Variants in ATP2B2 observed in about 807,000 individuals in gnomAD.
The protein encoded by ATP2B2 is ATPase plasma membrane Ca2+ transporting 2.
ATP2B2 carries 15 observed loss-of-function variants against 120.0 expected under a neutral mutation model. The observed-to-expected ratio is 0.12, with a 90% CI of 0.08 to 0.19. The LOEUF (loss-of-function observed/expected upper bound fraction) is 0.19, where lower values mean the gene tolerates loss of function less well. Ranked by LOEUF, ATP2B2 falls within the 10% of genes least tolerant of loss-of-function variation. ATP2B2 has a pLI of 1.00. For synonymous variants in ATP2B2, 694 were observed against 700.3 expected, an observed-to-expected ratio of 0.99 and a Z score of 0.14; for missense variants, 1,045 against 1,719.8, an observed-to-expected ratio of 0.61 and a Z score of 6.94.
intron 2 of ATP2B2, among the ~76,000 whole-genome samples, chr3:10,618,697 A>C (rs1438766650): frequency 6.6e-6 from 1 of 152,176 alleles, no homozygotes; most frequent in Admixed American, 6.5e-5. Context: ...CAATCTGGTC[A>C]GATCACTACT....
chr3:10,496,065 G>A (rs1326625393), intron 1 of ATP2B2, among the ~76,000 whole-genome samples: 1 of 152,238 alleles, frequency 6.6e-6, no homozygotes, highest in African/African-American at 2.4e-5. Flanking sequence ...GATGCTCTGA[G>A]CTCAGAAATC....
intron 1 of ATP2B2, among the ~76,000 whole-genome samples, chr3:10,652,530 G>A (rs1388106416): frequency 1.3e-5 from 2 of 152,202 alleles, no homozygotes; most frequent in African/African-American, 2.4e-5. Context: ...TGTATGTAGA[G>A]AGACAGAACC....
Position 10,535,194 on chromosome 3 carries a change from G to A in ATP2B2, c.-414-1061C>T, listed in dbSNP as rs189935546. 3.5e-3 allele frequency among the ~76,000 whole-genome samples: 535 copies of A among 151,998 alleles called. 2 individuals carry two copies. The highest frequency in any genetic ancestry group is 4.4e-3 in the Non-Finnish European group (300 of 67,962). ...GCTAGGATTACAGGCATGAGCCACCGCCCCCAGCCCTATTTGTAACTTTTT... is the reference window on the plus strand; with the variant it reads ...GCTAGGATTACAGGCATGAGCCACCACCCCCAGCCCTATTTGTAACTTTTT... On this transcript the variant is annotated intron_variant, in intron 2 of 21. Coordinates refer to the ATP2B2 transcript ENST00000646379.
intron 1 of ATP2B2, among the ~76,000 whole-genome samples, chr3:10,457,247 C>T (rs1184504196): frequency 6.6e-6 from 1 of 151,696 alleles, no homozygotes; most frequent in Non-Finnish European, 1.5e-5. Context: ...GCGTACAAGG[C>T]ATATGTGGGT....
At chr3:10,455,973 C>A (rs2125213596) in intron 1 of ATP2B2, among the ~76,000 whole-genome samples, 1 of 152,342 alleles carries the variant, frequency 6.6e-6, no homozygotes, top group African/African-American at 2.4e-5. Flanking sequence ...TTATGCATTT[C>A]AGTTTCATCT....
chr3:10,563,484 G>A (rs2067947078), intron 2 of ATP2B2, among the ~76,000 whole-genome samples: 1 of 152,264 alleles, frequency 6.6e-6, no homozygotes. Context: ...AGGTGAGATG[G>A]TCAGGCATTG....
intron 22 of ATP2B2, among the ~76,000 whole-genome samples, chr3:10,334,627 C>T (rs970934032): frequency 4.6e-5 from 7 of 152,196 alleles, no homozygotes; most frequent in Non-Finnish European, 1.0e-4. Flanking sequence ...CTCCCCGGTC[C>T]TCCCCAGCAC....
At chr3:10,619,148 A>G (rs1575564133) in intron 2 of ATP2B2, among the ~76,000 whole-genome samples, 1 of 152,122 alleles carries the variant, frequency 6.6e-6, no homozygotes, top group African/African-American at 2.4e-5. Flanking sequence ...ATAGTCCCCC[A>G]GGGTAAAGTG....
rs555906971 is a variant in ATP2B2 at position 10,562,667 on chromosome 3, C to G, written c.-414-28534G>C. Among the ~76,000 whole-genome samples, 5 of 152,256 alleles carry G rather than the reference C, an allele frequency of 3.3e-5. No individual in the cohort carries two copies. The East Asian group carries it at 9.6e-4, about 29-fold the overall frequency. On this transcript the variant is annotated intron_variant, in intron 2 of 21. Coordinates refer to the ATP2B2 transcript ENST00000646379. Reference sequence around the variant, plus strand: ...AGGAGGACTAGGAATTTTTGGACCTCAAGTTGATCATTGAATTGGTAGCAG... The same window carrying G: ...AGGAGGACTAGGAATTTTTGGACCTGAAGTTGATCATTGAATTGGTAGCAG...
intron 13 of ATP2B2, 89 bp from the exon 14 acceptor site, chr3:10,359,014 GCTAGCTGTGGCTGGTCAT>G (rs2060820358): frequency 1.6e-6 from 2 of 1,238,494 alleles, no homozygotes; most frequent in Non-Finnish European, 2.3e-6. Context: ...GTGATGCCCA[GCTAGCTGTGGCTGGTCAT>G]CCAGTGCCCA....
At chr3:10,409,668 T>A (rs2062539180) in intron 3 of ATP2B2, among the ~76,000 whole-genome samples, 1 of 152,184 alleles carries the variant, frequency 6.6e-6, no homozygotes, top group East Asian at 1.9e-4. Context: ...ATAGACTTGG[T>A]TATTCAGTTT....
rs140637859 is a variant in ATP2B2, at chr3:10,691,982, G to C, written c.-460+15933C>G. On this transcript the variant is annotated intron_variant, in intron 1 of 21. Transcript: ENST00000646379. ...TTACAACTGAGAAAACTAAAGCCCA[G>C]AGAGACCTAGTTACAGTTAGAAAGT... Among the ~76,000 whole-genome samples the C allele has an allele frequency of 3.3e-5, 5 of 152,298 alleles. No homozygotes were observed. In the East Asian group the frequency reaches 9.7e-4, roughly 29 times the overall value.
At chr3:10,382,641 G>A (rs1232878206) in intron 8 of ATP2B2, among the ~76,000 whole-genome samples, 1 of 151,968 alleles carries the variant, frequency 6.6e-6, no homozygotes, top group African/African-American at 2.4e-5. Context: ...TCAGGCATGA[G>A]TCATTGCGCC....
chr3:10,362,401 G>A (rs147130163), intron 12 of ATP2B2, among the ~76,000 whole-genome samples: 1 of 152,190 alleles, frequency 6.6e-6, no homozygotes, highest in Non-Finnish European at 1.5e-5. Flanking sequence ...GATTCACATG[G>A]GGGGAATACA....
intron 22 of ATP2B2, chr3:10,336,102 C>T (rs2060109269): frequency 1.9e-6 from 3 of 1,548,330 alleles, no homozygotes; most frequent in Non-Finnish European, 2.6e-6. Flanking sequence ...GCAGTGCCAG[C>T]CGGAGGCAGT....
intron 2 of ATP2B2, among the ~76,000 whole-genome samples, chr3:10,554,180 C>T (rs2067731008): frequency 6.6e-6 from 1 of 152,106 alleles, no homozygotes; most frequent in Non-Finnish European, 1.5e-5. Flanking sequence ...AACACTCATC[C>T]TCTCACTTTG....
chr3:10,392,956 G>A (rs924977499), intron 5 of ATP2B2, among the ~76,000 whole-genome samples: 10 of 152,180 alleles, frequency 6.6e-5, no homozygotes, highest in Admixed American at 2.0e-4. Context: ...TGGAGAGGCC[G>A]GCAGAGGCCC....
chr3:10,375,391 C>G lies in ATP2B2; in HGVS notation c.1416+39G>C. 1 of 1,554,816 alleles carries G rather than the reference C, an allele frequency of 6.4e-7. No individual in the cohort carries two copies. Among genetic ancestry groups the G allele is most frequent in the Non-Finnish European group, 8.8e-7 (1 of 1,131,940 alleles). ...GATTCCCCCAGGCCCTCAGCTGCAG[C>G]TGCATCAGCCGGCTGGTCCTGCTCT... On this transcript the variant is annotated intron_variant, in intron 11 of 22. Transcript: ENST00000360273. This position sits in a 1 kb window ranked among gnomAD's most constrained non-coding sequence, Gnocchi z 4.2.
At chr3:10,334,749 C>T (rs919650342) in intron 22 of ATP2B2, among the ~76,000 whole-genome samples, 8 of 152,156 alleles carry the variant, frequency 5.3e-5, no homozygotes, top group South Asian at 2.1e-4. Flanking sequence ...CTGTGGCCCG[C>T]GCCTCCTACT....
Sources: allele counts gnomAD v4.1 joint callset (sites outside exome capture counted in the v4.1 genomes callset), GRCh38; gene constraint gnomAD v4.1.1; non-coding constraint Gnocchi (gnomAD v3.1); transcripts MANE v1.5; gene names NCBI Gene and HGNC (gene_info 2026-07-23, HGNC 2026-07-21).